Variants in PPHLN1 observed in about 807,000 individuals in gnomAD.
PPHLN1 encodes periphilin 1, also known as periphilin-1.
Under a neutral mutation model 51.3 loss-of-function variants are expected in PPHLN1, and 29 were observed. The ratio of observed to expected loss-of-function variants is 0.57; its 90% CI spans 0.42 to 0.77. The LOEUF is 0.77. Ranked by LOEUF, PPHLN1 falls within the 30% of genes least tolerant of loss-of-function variation. The pLI is 0.00. For synonymous variants in PPHLN1, 147 were observed against 147.8 expected (o/e 0.99, Z 0.04); for missense variants, 436 against 438.4 (o/e 0.99, Z 0.05).
intron 3 of PPHLN1, among the ~76,000 whole-genome samples, chr12:42,354,126 G>A (rs146736310): frequency 7.4e-4 from 113 of 152,260 alleles, no homozygotes; most frequent in African/African-American, 2.6e-3. Flanking sequence ...AGAATAGAGT[G>A]TGTGATGCTA....
chr12:42,383,517 G>A (rs2076929219), intron 5 of PPHLN1, among the ~76,000 whole-genome samples: 1 of 152,190 alleles, frequency 6.6e-6, no homozygotes, highest in Non-Finnish European at 1.5e-5. Context: ...GAAAGTAAAA[G>A]TAAGAATAAA....
rs191092287 is a variant in PPHLN1, at chr12:42,439,207, C to T, written c.910-2108C>T. On this transcript the variant is annotated intron_variant, in intron 9 of 9. Transcript: ENST00000358314. Reference sequence around the variant, plus strand: ...AGGTCTGCGATCCATTTTGAGTTAACATATTTTTGAAAGGTATAAGATCTG... The same window carrying T: ...AGGTCTGCGATCCATTTTGAGTTAATATATTTTTGAAAGGTATAAGATCTG... Among the ~76,000 whole-genome samples the T allele has an allele frequency of 1.1e-4, 17 of 152,274 alleles. No individual in the cohort carries two copies. The South Asian group carries it at 1.2e-3, about 11-fold the overall frequency.
At chr12:42,434,798 A>G (rs1211995441) in intron 9 of PPHLN1, among the ~76,000 whole-genome samples, 1 of 152,142 alleles carries the variant, frequency 6.6e-6, no homozygotes, top group Non-Finnish European at 1.5e-5. Flanking sequence ...GGTTGAAGCA[A>G]TTCTCCTGCC....
intron 9 of PPHLN1, among the ~76,000 whole-genome samples, chr12:42,422,462 T>C (rs1433132754): frequency 6.6e-6 from 1 of 152,216 alleles, no homozygotes; most frequent in African/African-American, 2.4e-5. Flanking sequence ...CTTTTGGCTC[T>C]TGTGCTAAGT....
At chr12:42,333,415 A>G (rs1485208967) in intron 1 of PPHLN1, among the ~76,000 whole-genome samples, 1 of 152,074 alleles carries the variant, frequency 6.6e-6, no homozygotes, top group Non-Finnish European at 1.5e-5. Context: ...AAATTTTAAT[A>G]AATATTGCCA....
At chr12:42,407,052 C>G (rs2079378875) in intron 9 of PPHLN1, among the ~76,000 whole-genome samples, 1 of 152,184 alleles carries the variant, frequency 6.6e-6, no homozygotes, top group Non-Finnish European at 1.5e-5. Flanking sequence ...TTCCATTGGT[C>G]TGTTGATCCT....
intron 1 of PPHLN1, chr12:42,330,019 GAGA>G (rs1388575655): frequency 2.6e-5 from 4 of 152,344 alleles, no homozygotes; most frequent in African/African-American, 9.6e-5. Flanking sequence ...TGATAGTGGG[GAGA>G]AGGTCAGCAA....
rs761855869 is a variant in PPHLN1 at position 42,432,150 on chromosome 12, C to T, written c.910-9165C>T. ...GCTGTCACGCTGATGTCGGCTGTCT[C>T]GATCATCTTCTTCAATGACCAATCA... On this transcript the variant is annotated intron_variant, in intron 9 of 9. Transcript: ENST00000358314. 53 of 999,076 alleles carry T rather than the reference C, an allele frequency of 5.3e-5. No individual in the cohort carries two copies. In the Admixed American group the frequency reaches 5.7e-4, roughly 11 times the overall value. The allele number at this position is 999,076 out of a possible 1,614,324, so 61.9% of individuals were successfully genotyped here.
downstream of PPHLN1, chr12:42,448,311 G>A (rs1234700874): frequency 1.3e-5 from 2 of 151,028 alleles, no homozygotes; most frequent in African/African-American, 4.9e-5. Context: ...TTTATGGCTT[G>A]CCATCAGCAT....
At position 42,393,616 on chromosome 12, in the gene PPHLN1, C is replaced by T. The variant is rs1241299033; in HGVS notation, c.695C>T (p.Ala232Val). 4 of 1,610,276 alleles carry T rather than the reference C, an allele frequency of 2.5e-6. No homozygotes were observed. Among genetic ancestry groups the T allele is most frequent in the Non-Finnish European group, 3.4e-6 (4 of 1,178,316 alleles). ...SRLTEKELAE[A>V]ASKWAAEKLE... is the part of the protein sequence containing the mutation. ...CTAACTGAAAAGGAACTTGCTGAGG[C>T]TGCAAGCAAGTGGGCTGCTGAAAAG... Residue 232 changes from alanine (A) to valine (V), a missense_variant, in exon 8 of 10, where the codon GCT (alanine) becomes GTT (valine). By Grantham distance (64) the Ala-to-Val change is moderately conservative. Transcript: ENST00000358314.
At chr12:42,372,639 T>C (rs913614834) in intron 4 of PPHLN1, among the ~76,000 whole-genome samples, 1 of 152,150 alleles carries the variant, frequency 6.6e-6, no homozygotes, top group Admixed American at 6.5e-5. Flanking sequence ...AGCCCCACGT[T>C]CTAGGCCTGC....
chr12:42,398,736 T>A (rs2078516657), intron 8 of PPHLN1, 118 bp from the exon 9 acceptor site: 1 of 853,576 alleles, frequency 1.2e-6, no homozygotes, highest in Non-Finnish European at 1.7e-6. Context: ...TTTTCTTTTC[T>A]TAAAACATGT....
chr12:42,385,854 G>A (rs1056162445), intron 6 of PPHLN1, among the ~76,000 whole-genome samples: 8 of 152,120 alleles, frequency 5.3e-5, no homozygotes, highest in Non-Finnish European at 1.0e-4. Context: ...TGTTCTTCTG[G>A]GAGCTTTTGG....
At chr12:42,445,783 A>C, downstream of PPHLN1, 1 of 617,052 alleles carries the variant, frequency 1.6e-6, no homozygotes, top group Non-Finnish European at 2.7e-6. Context: ...TACTAGCACA[A>C]GCCTTACTTA....
At position 42,413,526 on chromosome 12, in the gene PPHLN1, ATGTGTGTGTGTGTGTGTGTG is replaced by A. The variant is rs71084648; in HGVS notation, c.909+14558_909+14577del. ...TGTTTTGATAACTATATATATGTAT[ATGTGTGTGTGTGTGTGTGTG>A]TGTGTGTGTGTGTGTGTGTGTGTGT... On this transcript the variant is annotated intron_variant, in intron 9 of 9. Transcript: ENST00000358314. Among the ~76,000 whole-genome samples, 689 of 136,606 alleles carry A rather than the reference ATGTGTGTGTGTGTGTGTGTG, an allele frequency of 5.0e-3. 1 individual carries two copies. Among genetic ancestry groups the A allele is most frequent in the African/African-American group, 0.019 (658 of 35,278 alleles). 89.6% of individuals were successfully genotyped at this position (136,606 alleles called of 152,430 possible).
At chr12:42,338,715 C>G (rs1033307189) in intron 2 of PPHLN1, among the ~76,000 whole-genome samples, 2 of 152,170 alleles carry the variant, frequency 1.3e-5, no homozygotes, top group African/African-American at 4.8e-5. Context: ...TGATTTAGAT[C>G]AGAAGCTCTC....
At chr12:42,390,803 T>C (rs923774945) in intron 7 of PPHLN1, among the ~76,000 whole-genome samples, 1 of 151,418 alleles carries the variant, frequency 6.6e-6, no homozygotes, top group Non-Finnish European at 1.5e-5. Context: ...CATTTTTTTT[T>C]TCACAGACCG....
chr12:42,376,546 G>C (rs529746610), intron 5 of PPHLN1, among the ~76,000 whole-genome samples: 9 of 152,254 alleles, frequency 5.9e-5, no homozygotes, highest in Admixed American at 5.2e-4. Context: ...TTGCACTTTG[G>C]GAAGCCAAGG....
downstream of PPHLN1, chr12:42,448,328 G>A (rs1002878750): frequency 1.3e-5 from 2 of 150,934 alleles, no homozygotes; most frequent in African/African-American, 4.9e-5. Context: ...GCATTATTCT[G>A]GTAGGCTTGT....
Sources: gnomAD v4.1 joint callset for allele counts (sites outside exome capture counted in the v4.1 genomes callset) on GRCh38, gnomAD v4.1.1 for gene constraint, MANE v1.5 for transcripts, NCBI Gene and HGNC (gene_info 2026-07-23, HGNC 2026-07-21) for gene names.